ACMSD: variants seen among roughly 807,000 people sequenced by gnomAD.
ACMSD encodes the protein aminocarboxymuconate semialdehyde decarboxylase, also known as 2-amino-3-carboxymuconate-6-semialdehyde decarboxylase.
Under a neutral mutation model 45.9 loss-of-function variants are expected in ACMSD, and 37 were observed. The ratio of observed to expected loss-of-function variants is 0.81; its 90% confidence interval spans 0.62 to 1.06. The LOEUF (loss-of-function observed/expected upper bound fraction) is 1.06, where lower values mean the gene tolerates loss of function less well. Among genes scored for constraint, ACMSD ranks in the 50% least tolerant of loss-of-function variants. ACMSD has a pLI of 0.00. For missense variants in ACMSD, 434 were observed against 420.9 expected, an observed-to-expected ratio of 1.03 and a Z score of -0.27; for synonymous variants, 138 against 148.8, an observed-to-expected ratio of 0.93 and a Z score of 0.53.
chr2:134,858,510 T>G (rs1687688489), intron 2 of ACMSD, among the ~76,000 whole-genome samples: 1 of 152,216 alleles, frequency 6.6e-6, no homozygotes, highest in Non-Finnish European at 1.5e-5. Flanking sequence ...AAGAATAGAT[T>G]TTAAGTGTCA....
At chr2:134,851,399 G>C (rs1687338275) in intron 2 of ACMSD, among the ~76,000 whole-genome samples, 1 of 152,044 alleles carries the variant, frequency 6.6e-6, no homozygotes, top group African/African-American at 2.4e-5. Flanking sequence ...GCTTTCCACA[G>C]TCAGATACTC....
At position 134,898,441 on chromosome 2, in the gene ACMSD, TATA is replaced by T; in HGVS notation, c.948+5_948+7del. ...GAAGAATTTGATGAAGAAACAAAGG[TATA>T]ATGTCTTTTACTTCACGGCTTTCTT... is the stretch of plus-strand genomic sequence containing the variant. On this transcript the variant is annotated splice_donor_5th_base_variant and intron_variant, in intron 9 of 9. Transcript: ENST00000356140. 6.3e-7 allele frequency: 1 copy of T among 1,575,310 alleles called. No homozygotes were observed. Among genetic ancestry groups the T allele is most frequent in the Non-Finnish European group, 8.6e-7 (1 of 1,163,752 alleles).
chr2:134,863,586 C>T lies in ACMSD; in HGVS notation c.441C>T (p.Val147=). Residue 147 remains valine, a synonymous_variant, in exon 5 of 10, where the codon GTC becomes GTT. Coordinates refer to ENST00000356140, the MANE Select transcript of ACMSD (RefSeq NM_138326.3). ...CCGGGGTCCAAATTGGCACCCACGT[C>T]AACGAGTGGGACCTGAACGCGCAGG... The part of the protein sequence containing the change: ...GFPGVQIGTH[V]NEWDLNAQEL... 1 of 1,614,208 alleles carries T rather than the reference C, an allele frequency of 6.2e-7. No homozygotes were observed. The highest frequency in any genetic ancestry group is 8.5e-7 in the Non-Finnish European group (1 of 1,180,032).
chr2:134,896,561 A>G (rs144868665), intron 8 of ACMSD, among the ~76,000 whole-genome samples: 1 of 152,344 alleles, frequency 6.6e-6, no homozygotes, highest in African/African-American at 2.4e-5. Context: ...GATGTTCAAC[A>G]TAATTACTTA....
intron 8 of ACMSD, among the ~76,000 whole-genome samples, chr2:134,894,481 C>A (rs1354449676): frequency 6.6e-6 from 1 of 151,958 alleles, no homozygotes; most frequent in East Asian, 1.9e-4. Flanking sequence ...TTCAATCTTC[C>A]CACAAAGAAA....
intron 2 of ACMSD, among the ~76,000 whole-genome samples, chr2:134,853,194 CAAG>C (rs1687429838): frequency 7.1e-6 from 1 of 140,288 alleles, no homozygotes. Context: ...AAAGGAAAGA[CAAG>C]AAAATACATT....
At chr2:134,840,267 C>T (rs186711971) in intron 1 of ACMSD, among the ~76,000 whole-genome samples, 21 of 145,794 alleles carry the variant, frequency 1.4e-4, no homozygotes, top group Middle Eastern at 4.1e-3. Flanking sequence ...GCTTTGGAAA[C>T]CACCACGGTG....
In ACMSD at chr2:134,898,439, G is replaced by C; in HGVS notation, c.948G>C (p.Lys316Asn). 6 of 1,577,664 alleles carry C rather than the reference G, an allele frequency of 3.8e-6. No individual in the cohort carries two copies. Among genetic ancestry groups the C allele is most frequent in the Non-Finnish European group, 5.2e-6 (6 of 1,164,694 alleles). Residue 316 changes from lysine (K) to asparagine (N), a missense_variant and splice_region_variant, in exon 9 of 10, where the codon AAG becomes AAC. Coordinates refer to ENST00000356140, the MANE Select transcript of ACMSD (RefSeq NM_138326.3). ...ESMEEFDEET[K>N]NKLKAGNALA... ...TGGAAGAATTTGATGAAGAAACAAA[G>C]GTATAATGTCTTTTACTTCACGGCT...
chr2:134,842,964 T>C (rs1686873109), intron 1 of ACMSD, among the ~76,000 whole-genome samples: 1 of 151,962 alleles, frequency 6.6e-6, no homozygotes, highest in South Asian at 2.1e-4. Context: ...TACAAGAAAG[T>C]AACAAAGAAA....
intron 8 of ACMSD, among the ~76,000 whole-genome samples, chr2:134,876,139 C>A (rs1197252901): frequency 6.6e-6 from 1 of 152,122 alleles, no homozygotes; most frequent in Non-Finnish European, 1.5e-5. Context: ...GGAAGTTGCT[C>A]TGGGTGAGTC....
intron 8 of ACMSD, among the ~76,000 whole-genome samples, chr2:134,893,636 C>T (rs1400002981): frequency 2.6e-5 from 4 of 152,112 alleles, no homozygotes; most frequent in East Asian, 3.8e-4. Context: ...ATCCTTAGCC[C>T]TCCTCATAAA....
At chr2:134,892,150 T>G (rs1689823853) in intron 8 of ACMSD, among the ~76,000 whole-genome samples, 2 of 152,034 alleles carry the variant, frequency 1.3e-5, no homozygotes. Flanking sequence ...CAGGTGATGG[T>G]TACACTAAAA....
rs1170785128 is a variant in ACMSD at position 134,886,233 on chromosome 2, C to CATTATTATTATTATT, written c.850-12107_850-12093dup. On this transcript the variant is annotated intron_variant, in intron 8 of 9. Coordinates refer to ENST00000356140, the MANE Select transcript of ACMSD (RefSeq NM_138326.3). ...TACTTGGCAAAATTCATTACCCATT[C>CATTATTATTATTATT]ATTATTATTATTATTTTTTTTTTTT... 2.2e-3 allele frequency among the ~76,000 whole-genome samples: 282 copies of CATTATTATTATTATT among 128,156 alleles called. 4 individuals carry two copies. Among genetic ancestry groups the CATTATTATTATTATT allele is most frequent in the Middle Eastern group, 4.4e-3 (1 of 228 alleles). 84.1% of individuals were successfully genotyped at this position (128,156 alleles called of 152,430 possible).
At chr2:134,856,310 G>C (rs1687577940) in intron 2 of ACMSD, among the ~76,000 whole-genome samples, 1 of 152,152 alleles carries the variant, frequency 6.6e-6, no homozygotes, top group African/African-American at 2.4e-5. Flanking sequence ...TTTATTTCCA[G>C]GGCCTACCCT....
intron 2 of ACMSD, among the ~76,000 whole-genome samples, chr2:134,854,871 G>A (rs1559043870): frequency 6.6e-6 from 1 of 152,192 alleles, no homozygotes; most frequent in Non-Finnish European, 1.5e-5. Context: ...ACCAGTCAGT[G>A]CTGCTACTAA....
Position 134,863,590 on chromosome 2 carries a change from G to A in ACMSD, c.445G>A (p.Glu149Lys), listed in dbSNP as rs757635581. The A allele has an allele frequency of 6.2e-6, 10 of 1,614,082 alleles. No homozygotes were observed. Among genetic ancestry groups the A allele is most frequent in the African/African-American group, 1.3e-5 (1 of 74,940 alleles). Residue 149 changes from glutamate to lysine, a missense_variant, in exon 5 of 10, where the codon GAG (glutamate) becomes AAG (lysine). Coordinates refer to ENST00000356140, the MANE Select transcript of ACMSD (RefSeq NM_138326.3). Reference sequence around the variant, plus strand: ...GGTCCAAATTGGCACCCACGTCAACGAGTGGGACCTGAACGCGCAGGAGCT... The same window carrying A: ...GGTCCAAATTGGCACCCACGTCAACAAGTGGGACCTGAACGCGCAGGAGCT... ...PGVQIGTHVN[E>K]WDLNAQELFP...
intron 1 of ACMSD, among the ~76,000 whole-genome samples, chr2:134,844,655 C>G (rs910320215): frequency 3.9e-5 from 6 of 152,176 alleles, no homozygotes; most frequent in African/African-American, 1.4e-4. Flanking sequence ...TTGATCAAAG[C>G]AGGTTCCAGG....
At chr2:134,862,107 C>T in intron 4 of ACMSD, 89 bp downstream of exon 4, 1 of 1,391,626 alleles carries the variant, frequency 7.2e-7, no homozygotes, top group East Asian at 2.3e-5. Flanking sequence ...GTTTGGACAC[C>T]AGTACCACTA....
intron 2 of ACMSD, among the ~76,000 whole-genome samples, chr2:134,852,328 C>A (rs2104831614): frequency 6.6e-6 from 1 of 152,132 alleles, no homozygotes; most frequent in East Asian, 1.9e-4. Flanking sequence ...GAAAGGGAGT[C>A]AGAATGGAAG....
Sources: gnomAD v4.1 joint callset for allele counts (sites outside exome capture counted in the v4.1 genomes callset) on GRCh38, gnomAD v4.1.1 for gene constraint, MANE v1.5 for transcripts, NCBI Gene and HGNC (gene_info 2026-07-23, HGNC 2026-07-21) for gene names.